The following SULF1 variants were observed in gnomAD, a reference collection of about 807,000 sequenced individuals.
SULF1 encodes sulfatase 1.
In SULF1, 46 loss-of-function variants were observed where a neutral mutation model predicts 110.5. The ratio of observed to expected loss-of-function variants is 0.42; its 90% CI spans 0.33 to 0.53. The LOEUF (loss-of-function observed/expected upper bound fraction) is 0.53. SULF1 is among the 20% of genes least tolerant of loss of function. The probability of loss-of-function intolerance (pLI) is 0.12; values close to 1 mark genes in which losing one functional copy is unlikely to be tolerated. For missense variants in SULF1, 941 were observed against 1,094.2 expected (o/e 0.86, Z 1.98); for synonymous variants, 371 against 387.1 (o/e 0.96, Z 0.49).
rs1812901538 is a variant in SULF1 at position 69,658,678 on chromosome 8, T to C, written c.*143T>C. 1.3e-6 allele frequency: 1 copy of C among 745,522 alleles called. No homozygotes were observed. The highest frequency in any genetic ancestry group is 2.4e-6 in the Non-Finnish European group (1 of 413,686). The allele number at this position is 745,522 out of a possible 1,614,324, so 46.2% of individuals were successfully genotyped here. On this transcript the variant is annotated 3_prime_UTR_variant, in exon 23 of 23. Transcript: ENST00000402687. ...TTACTTGAAGGATTTAGATAGAGTA[T>C]TTGCACTGCTGAAGAGTCACTATGA... is the stretch of plus-strand genomic sequence containing the variant.
In SULF1 at chr8:69,564,051, A is replaced by G. The variant is rs754243786; in HGVS notation, c.76A>G (p.Arg26Gly). The G allele has an allele frequency of 1.1e-5, 17 of 1,614,234 alleles. No individual in the cohort carries two copies. The highest frequency in any genetic ancestry group is 1.4e-5 in the Non-Finnish European group (17 of 1,180,038). ...GCTGGGAAGCCTCTGTTCGACTGTC[A>G]GATCCCCGAGGTTCAGAGGACGGAT... is the stretch of plus-strand genomic sequence containing the variant. ...ELLGSLCSTV[R>G]SPRFRGRIQQ... The change falls in exon 5 of 23, where the codon AGA (arginine) becomes GGA (glycine). Residue 26 changes from arginine to glycine, a missense_variant. Transcript: ENST00000402687.
rs910616016 is a variant in SULF1, at chr8:69,555,275, G to A, written c.-133-8264G>A. Among the ~76,000 whole-genome samples the A allele has an allele frequency of 8.5e-5, 13 of 152,140 alleles. 1 individual carries two copies. ...CCTCTGCGGGAGGCCAAGGGAAGGA[G>A]GAAGGAACTTGTTTCCCCACTCTGC... On this transcript the variant is annotated intron_variant, in intron 3 of 22. Transcript: ENST00000402687.
At position 69,589,026 on chromosome 8, in the gene SULF1, A is replaced by C. The variant is rs763827845; in HGVS notation, c.619A>C (p.Lys207Gln). Reference sequence around the variant, plus strand: ...GAGCATTAATTACTTCAAAATGTCTAAGAGAATGTATCCCCATAGGCCCGT... The same window carrying C: ...GAGCATTAATTACTTCAAAATGTCTCAGAGAATGTATCCCCATAGGCCCGT... Reference protein sequence around the residue: ...NESINYFKMSKRMYPHRPVMM... With the variant: ...NESINYFKMSQRMYPHRPVMM... Residue 207 changes from lysine to glutamine, a missense_variant, in exon 8 of 23, where the codon AAG becomes CAG. By Grantham distance (53) the Lys-to-Gln change is moderately conservative. Coordinates refer to ENST00000402687, the MANE Select transcript of SULF1 (RefSeq NM_001128205.2). The C allele has an allele frequency of 8.7e-6, 14 of 1,614,202 alleles. No homozygotes were observed. Among genetic ancestry groups the C allele is most frequent in the Non-Finnish European group, 1.2e-5 (14 of 1,180,008 alleles).
chr8:69,660,062 T>C lies in SULF1; in HGVS notation c.*1527T>C, dbSNP rs1415393797. On this transcript the variant is annotated 3_prime_UTR_variant, in exon 23 of 23. Transcript: ENST00000402687. Reference sequence around the variant, plus strand: ...AATAAATAAGTAAACAAAATGAAGATTGCCTGCTCTCTCTGTGCCTAGCCT... The same window carrying C: ...AATAAATAAGTAAACAAAATGAAGACTGCCTGCTCTCTCTGTGCCTAGCCT... 1.3e-5 allele frequency: 2 copies of C among 152,584 alleles called. No homozygotes were observed. Among genetic ancestry groups the C allele is most frequent in the African/African-American group, 2.4e-5 (1 of 41,462 alleles). 9.5% of individuals were successfully genotyped at this position (152,584 alleles called of 1,614,324 possible).
At chr8:69,541,802 T>C (rs989500486) in intron 3 of SULF1, among the ~76,000 whole-genome samples, 2 of 152,196 alleles carry the variant, frequency 1.3e-5, no homozygotes, top group Non-Finnish European at 2.9e-5. Context: ...TGATGTTTGT[T>C]TTCTAGAGTG....
upstream of SULF1, among the ~76,000 whole-genome samples, chr8:69,490,069 T>C (rs78297899): frequency 0.014 from 2,138 of 151,704 alleles, 44 homozygotes; most frequent in African/African-American, 0.049. Flanking sequence ...GGACAAGGCA[T>C]TTTATCTTCT....
At chr8:69,493,152 T>C (rs1405860856) in intron 1 of SULF1, 27 bp downstream of exon 1, 1 of 152,654 alleles carries the variant, frequency 6.6e-6, no homozygotes, top group Non-Finnish European at 1.5e-5. Flanking sequence ...GCTTTTACTT[T>C]AAAAAGAAAG....
chr8:69,544,075 G>T (rs752942785), intron 3 of SULF1, among the ~76,000 whole-genome samples: 1 of 152,044 alleles, frequency 6.6e-6, no homozygotes. Flanking sequence ...AAGGTGTTTC[G>T]ATTTACACAT....
chr8:69,509,088 A>G (rs1811389086), intron 3 of SULF1, among the ~76,000 whole-genome samples: 1 of 152,256 alleles, frequency 6.6e-6, no homozygotes, highest in African/African-American at 2.4e-5. Flanking sequence ...GGTAAAGACC[A>G]AGAACATAAA....
chr8:69,570,488 G>A (rs1233058998), intron 5 of SULF1, among the ~76,000 whole-genome samples: 2 of 152,272 alleles, frequency 1.3e-5, no homozygotes, highest in African/African-American at 4.8e-5. Context: ...TGTGATTTTA[G>A]CAAAGTCATC....
Position 69,566,843 on chromosome 8 carries a change from C to T in SULF1, c.172+2696C>T, listed in dbSNP as rs1425533893. Among the ~76,000 whole-genome samples, 5 of 152,128 alleles carry T rather than the reference C, an allele frequency of 3.3e-5. No homozygotes were observed. In the South Asian group the frequency reaches 6.2e-4, roughly 19 times the overall value. On this transcript the variant is annotated intron_variant, in intron 5 of 22. Coordinates refer to ENST00000402687, the MANE Select transcript of SULF1 (RefSeq NM_001128205.2). Reference sequence around the variant, plus strand: ...CCAGCCTGGGCTACAGAGCGAGACTCCATTTCAAAACAAAAAAAGAACTAG... The same window carrying T: ...CCAGCCTGGGCTACAGAGCGAGACTTCATTTCAAAACAAAAAAAGAACTAG...
At chr8:69,651,985 A>G (rs952300474) in intron 22 of SULF1, among the ~76,000 whole-genome samples, 11 of 152,176 alleles carry the variant, frequency 7.2e-5, no homozygotes, top group African/African-American at 2.2e-4. Context: ...GGCTCGAGGC[A>G]AGAATGTCCT....
At chr8:69,522,134 T>C (rs1812350908) in intron 3 of SULF1, among the ~76,000 whole-genome samples, 1 of 150,554 alleles carries the variant, frequency 6.6e-6, no homozygotes, top group Admixed American at 6.6e-5. Flanking sequence ...CACTGCAACC[T>C]CCACCTCCTG....
rs1806513604 is a variant in SULF1, at chr8:69,586,995, CG to C, written c.564+488del. Among the ~76,000 whole-genome samples the C allele has an allele frequency of 2.6e-5, 4 of 152,150 alleles. No individual in the cohort carries two copies. The South Asian group carries it at 6.2e-4, about 24-fold the overall frequency. On this transcript the variant is annotated intron_variant, in intron 7 of 22. Transcript: ENST00000402687. ...CTCCTGTCTGACCAAGCTTAGTATA[CG>C]TGACAAGGACACCTTCCCTATCACG...
intron 6 of SULF1, among the ~76,000 whole-genome samples, chr8:69,581,941 C>T (rs1426052789): frequency 1.3e-5 from 2 of 152,000 alleles, no homozygotes; most frequent in Non-Finnish European, 2.9e-5. Context: ...ATACTGAGTA[C>T]ATTTCTTACG....
chr8:69,616,061 CAT>C (rs1164270420), intron 13 of SULF1, among the ~76,000 whole-genome samples: 9 of 148,730 alleles, frequency 6.1e-5, no homozygotes, highest in Non-Finnish European at 1.2e-4. Context: ...TATACACACA[CAT>C]ATATATGTGT....
intron 3 of SULF1, among the ~76,000 whole-genome samples, chr8:69,544,668 A>T (rs1403477270): frequency 6.6e-6 from 1 of 152,244 alleles, no homozygotes; most frequent in African/African-American, 2.4e-5. Flanking sequence ...TCAACTGAAA[A>T]TAAAAGTCCT....
chr8:69,604,637 G>T (rs970504874), intron 12 of SULF1, among the ~76,000 whole-genome samples, 166 bp from the exon 13 acceptor site: 1 of 151,840 alleles, frequency 6.6e-6, no homozygotes, highest in Non-Finnish European at 1.5e-5. Flanking sequence ...TTTTCATAAA[G>T]GACCCATCAA....
intron 6 of SULF1, among the ~76,000 whole-genome samples, chr8:69,580,840 A>G (rs1806011358): frequency 1.3e-5 from 2 of 152,202 alleles, no homozygotes; most frequent in Admixed American, 1.3e-4. Context: ...ATTATATCAA[A>G]TAATGGTAAA....
Sources: gnomAD v4.1 joint callset for allele counts (sites outside exome capture counted in the v4.1 genomes callset) on GRCh38, gnomAD v4.1.1 for gene constraint, MANE v1.5 for transcripts, NCBI Gene and HGNC (gene_info 2026-07-23, HGNC 2026-07-21) for gene names.